GSK3B: variants seen among roughly 807,000 people sequenced by gnomAD.
GSK3B encodes glycogen synthase kinase-3 beta.
Under a neutral mutation model 56.4 loss-of-function variants are expected in GSK3B, and 15 were observed. The ratio of observed to expected loss-of-function variants is 0.27; its 90% CI spans 0.18 to 0.41. The LOEUF is 0.41. Ranked by LOEUF, GSK3B falls within the 10% of genes least tolerant of loss-of-function variation. The pLI is 1.00. For synonymous variants in GSK3B, 181 were observed against 188.9 expected (o/e 0.96, Z 0.34); for missense variants, 300 against 513.4 (o/e 0.58, Z 4.02).
At chr3:119,956,788 A>G (rs2057218521) in intron 2 of GSK3B, among the ~76,000 whole-genome samples, 1 of 152,208 alleles carries the variant, frequency 6.6e-6, no homozygotes, top group Non-Finnish European at 1.5e-5. Context: ...AAAGGAATCA[A>G]TACAAGAGAC....
chr3:119,927,929 A>C (rs1303330435), intron 3 of GSK3B, among the ~76,000 whole-genome samples: 3 of 152,238 alleles, frequency 2.0e-5, no homozygotes, highest in Non-Finnish European at 4.4e-5. Context: ...TATAAGGGTG[A>C]GAGGTGAAAC....
chr3:120,015,196 G>A (rs1015105578), intron 1 of GSK3B, among the ~76,000 whole-genome samples: 2 of 152,210 alleles, frequency 1.3e-5, no homozygotes, highest in Non-Finnish European at 2.9e-5. Context: ...ATAAATTACA[G>A]TTTCTTTGAA....
chr3:120,023,007 C>T (rs889044726), intron 1 of GSK3B, among the ~76,000 whole-genome samples: 1 of 152,106 alleles, frequency 6.6e-6, no homozygotes, highest in African/African-American at 2.4e-5. Context: ...TCCCTTGAAA[C>T]AGAACTTTCA....
chr3:119,823,756 C>T lies in GSK3B; in HGVS notation c.*3032G>A, dbSNP rs1029577537. The T allele has an allele frequency of 1.6e-5, 3 of 192,990 alleles. No individual in the cohort carries two copies. The highest frequency in any genetic ancestry group is 8.1e-5 in the East Asian group (1 of 12,296). The allele number at this position is 192,990 out of a possible 1,614,324, so 12.0% of individuals were successfully genotyped here. A position where few individuals can be genotyped will look rare whatever the true frequency, so the allele number is the denominator to read the frequency against. On this transcript the variant is annotated 3_prime_UTR_variant, in exon 11 of 11. Coordinates refer to ENST00000264235, the MANE Select transcript of GSK3B (RefSeq NM_001146156.2). ...GCAGGGCTTCAACGAAATGAAATTA[C>T]GAATATGATTTCCTCTTCCCACTCC...
intron 1 of GSK3B, among the ~76,000 whole-genome samples, chr3:120,045,080 G>A (rs756523838): frequency 6.6e-6 from 1 of 152,162 alleles, no homozygotes; most frequent in Non-Finnish European, 1.5e-5. Flanking sequence ...GTAGGTTAGT[G>A]CAAACGCTTA....
chr3:120,010,542 T>C (rs1016821409), intron 1 of GSK3B, among the ~76,000 whole-genome samples: 7 of 152,194 alleles, frequency 4.6e-5, no homozygotes, highest in South Asian at 2.1e-4. Flanking sequence ...AAGTCAAAAC[T>C]GTAACACCAA....
intron 8 of GSK3B, among the ~76,000 whole-genome samples, chr3:119,874,069 C>T (rs866731940): frequency 4.6e-5 from 7 of 152,280 alleles, no homozygotes; most frequent in Middle Eastern, 6.8e-3. Context: ...AGATTTACAG[C>T]ATACATATTT....
At position 119,865,448 on chromosome 3, in the gene GSK3B, ATATATATATATATATATATTTTT is replaced by A. The variant is rs1386451001; in HGVS notation, c.910-1866_910-1844del. Among the ~76,000 whole-genome samples the A allele has an allele frequency of 6.5e-4, 11 of 16,998 alleles. No homozygotes were observed. In the East Asian group the frequency reaches 0.011, roughly 17 times the overall value. 11.2% of individuals were successfully genotyped at this position (16,998 alleles called of 152,430 possible). On this transcript the variant is annotated intron_variant, in intron 8 of 10. Transcript: ENST00000264235. Reference sequence around the variant, plus strand: ...AAGCTTATTTCCGATATATATATATATATATATATATATATATATTTTTTTTTTTTTTTTTTTTTTTGAGATGG... The same window carrying A: ...AAGCTTATTTCCGATATATATATATATTTTTTTTTTTTTTTTTTGAGATGG...
chr3:119,957,973 C>G (rs1262189824), intron 2 of GSK3B, among the ~76,000 whole-genome samples: 1 of 152,048 alleles, frequency 6.6e-6, no homozygotes, highest in African/African-American at 2.4e-5. Context: ...GCTCCACGTC[C>G]CCACCCAAAT....
chr3:119,842,607 A>T (rs1188626319), intron 10 of GSK3B, among the ~76,000 whole-genome samples: 1 of 152,158 alleles, frequency 6.6e-6, no homozygotes, highest in Non-Finnish European at 1.5e-5. Context: ...TAAAAACCGT[A>T]ACTTCAAAGA....
At chr3:119,965,847 C>T (rs374000620) in intron 2 of GSK3B, among the ~76,000 whole-genome samples, 24 of 151,746 alleles carry the variant, frequency 1.6e-4, no homozygotes, top group African/African-American at 5.8e-4. Flanking sequence ...TGGGTAGTAA[C>T]ATGGTCAGTG....
chr3:119,905,348 A>C (rs1016226667), intron 7 of GSK3B, among the ~76,000 whole-genome samples: 15 of 152,110 alleles, frequency 9.9e-5, no homozygotes, highest in African/African-American at 3.6e-4. Context: ...AAATATAAAT[A>C]GTGACCAAAT....
At chr3:120,014,405 G>C (rs1028462516) in intron 1 of GSK3B, among the ~76,000 whole-genome samples, 7 of 152,058 alleles carry the variant, frequency 4.6e-5, no homozygotes, top group African/African-American at 1.7e-4. Context: ...GAGCCCCATG[G>C]GATCAGAGTT....
chr3:119,982,431 T>C (rs963748325), intron 2 of GSK3B, among the ~76,000 whole-genome samples: 1 of 152,144 alleles, frequency 6.6e-6, no homozygotes, highest in Non-Finnish European at 1.5e-5. Flanking sequence ...TAAAGGAGAA[T>C]GTTCAAACCC....
intron 1 of GSK3B, among the ~76,000 whole-genome samples, chr3:120,016,141 G>A (rs988435941): frequency 6.6e-6 from 1 of 152,172 alleles, no homozygotes; most frequent in African/African-American, 2.4e-5. Flanking sequence ...CATATTCCTT[G>A]AGAACTGTTT....
At chr3:120,084,600 C>T (rs1389806491) in intron 1 of GSK3B, 1 of 152,214 alleles carries the variant, frequency 6.6e-6, no homozygotes, top group East Asian at 1.9e-4. Context: ...GCACAGGCTT[C>T]ATTGACACTG....
intron 6 of GSK3B, among the ~76,000 whole-genome samples, chr3:119,907,108 T>C (rs995653285): frequency 2.0e-5 from 3 of 152,112 alleles, no homozygotes; most frequent in African/African-American, 7.2e-5. Context: ...TACTAACTGT[T>C]ATAGTCAAGC....
At chr3:119,858,333 G>A (rs1346710766) in intron 9 of GSK3B, among the ~76,000 whole-genome samples, 2 of 152,228 alleles carry the variant, frequency 1.3e-5, no homozygotes, top group African/African-American at 4.8e-5. Context: ...GGTTAGTGTA[G>A]CTATGTTCAC....
intron 10 of GSK3B, among the ~76,000 whole-genome samples, chr3:119,827,333 T>C (rs937389413): frequency 1.3e-5 from 2 of 152,140 alleles, no homozygotes; most frequent in African/African-American, 2.4e-5. Context: ...TCATTATTCA[T>C]AGAGATGGAA....
Sources: gnomAD v4.1 joint callset for allele counts (sites outside exome capture counted in the v4.1 genomes callset) on GRCh38, gnomAD v4.1.1 for gene constraint, MANE v1.5 for transcripts, NCBI Gene and HGNC (gene_info 2026-07-23, HGNC 2026-07-21) for gene names.